LPP: variants seen among roughly 807,000 people sequenced by gnomAD.
LPP encodes the protein LIM domain containing preferred translocation partner in lipoma.
Under a neutral mutation model 60.4 loss-of-function variants are expected in LPP, and 38 were observed. The observed-to-expected ratio is 0.63, with a 90% CI of 0.49 to 0.83. The LOEUF (loss-of-function observed/expected upper bound fraction) is 0.83. Among genes scored for constraint, LPP ranks in the 40% least tolerant of loss-of-function variants. The pLI is 0.00. For missense variants in LPP, 902 were observed against 783.6 expected (o/e 1.15, Z -1.80); for synonymous variants, 328 against 290.8 (o/e 1.13, Z -1.30).
chr3:188,592,557 G>GTTGTTGTTTGTTTTTTTTTTTT (rs1553936334), intron 6 of LPP, among the ~76,000 whole-genome samples: 9 of 85,800 alleles, frequency 1.0e-4, no homozygotes, highest in South Asian at 5.7e-4. Context: ...TTTTGTTTTT[G>GTTGTTGTTTGTTTTTTTTTTTT]TTTTTTAAAT....
At chr3:188,701,630 G>A (rs1864421373) in intron 7 of LPP, among the ~76,000 whole-genome samples, 1 of 152,184 alleles carries the variant, frequency 6.6e-6, no homozygotes, top group Non-Finnish European at 1.5e-5. Context: ...AGTGTGCCCA[G>A]CAAGAGGAGG....
intron 9 of LPP, among the ~76,000 whole-genome samples, chr3:188,792,263 GTT>G (rs1744010798): frequency 6.6e-6 from 1 of 152,080 alleles, no homozygotes. Flanking sequence ...TTGGAGAAAC[GTT>G]TTTCATCCTT....
rs1739928526 is a variant in LPP at position 188,781,989 on chromosome 3, G to T, written c.1410+21707G>T. 2.6e-5 allele frequency among the ~76,000 whole-genome samples: 4 copies of T among 151,664 alleles called. 1 individual carries two copies. The Middle Eastern group carries it at 0.011, about 401-fold the overall frequency. Reference sequence around the variant, plus strand: ...GGGGATTATGGGAACTACAATTCAAGATGAGATTTGGGTGGGGACACAGCC... The same window carrying T: ...GGGGATTATGGGAACTACAATTCAATATGAGATTTGGGTGGGGACACAGCC... On this transcript the variant is annotated intron_variant, in intron 9 of 11. Transcript: ENST00000617246.
intron 6 of LPP, among the ~76,000 whole-genome samples, chr3:188,547,779 G>C (rs529812948): frequency 6.6e-6 from 1 of 152,242 alleles, no homozygotes; most frequent in African/African-American, 2.4e-5. Context: ...GTGTTCCGTA[G>C]CTGGGGACTC....
intron 2 of LPP, among the ~76,000 whole-genome samples, chr3:188,242,839 T>A (rs924169784): frequency 6.6e-6 from 1 of 152,218 alleles, no homozygotes; most frequent in African/African-American, 2.4e-5. Context: ...TGAGGCGATG[T>A]CTACAAAATG....
At chr3:188,488,105 T>C (rs1278717157) in intron 5 of LPP, among the ~76,000 whole-genome samples, 3 of 151,800 alleles carry the variant, frequency 2.0e-5, no homozygotes, top group African/African-American at 7.3e-5. Context: ...TTATTGAATT[T>C]GAAAAATCTT....
intron 2 of LPP, among the ~76,000 whole-genome samples, chr3:188,268,305 C>A (rs1560179429): frequency 1.3e-5 from 2 of 152,040 alleles, no homozygotes; most frequent in Non-Finnish European, 1.5e-5. Flanking sequence ...AACAAAAACA[C>A]AAAACCAAAA....
chr3:188,500,340 A>G (rs1258275952), intron 5 of LPP, among the ~76,000 whole-genome samples: 1 of 152,074 alleles, frequency 6.6e-6, no homozygotes, highest in South Asian at 2.1e-4. Context: ...TTCTGTGTCA[A>G]TTGAGAAGAT....
chr3:188,377,786 T>G (rs1775612028), intron 3 of LPP, among the ~76,000 whole-genome samples: 1 of 152,164 alleles, frequency 6.6e-6, no homozygotes. Flanking sequence ...GGCGCTCTGA[T>G]TTTTAGAGTT....
intron 9 of LPP, among the ~76,000 whole-genome samples, chr3:188,790,815 T>C (rs6770561): frequency 0.7 from 104,815 of 150,284 alleles, 36,829 homozygotes; most frequent in East Asian, 0.9. Context: ...AGTGAGACTC[T>C]GTCTCCAAAA....
chr3:188,640,428 T>G, intron 7 of LPP, among the ~76,000 whole-genome samples: 1 of 142,548 alleles, frequency 7.0e-6, no homozygotes, highest in African/African-American at 2.6e-5. Flanking sequence ...AGATGACGAG[T>G]TAGTGGGTGC....
chr3:188,822,732 G>A (rs1203187745), intron 9 of LPP, among the ~76,000 whole-genome samples: 1 of 152,132 alleles, frequency 6.6e-6, no homozygotes, highest in Non-Finnish European at 1.5e-5. Context: ...TGGGCATTCA[G>A]TAGGTGTTTG....
intron 9 of LPP, among the ~76,000 whole-genome samples, chr3:188,820,510 A>G (rs966696426): frequency 2.0e-5 from 3 of 152,168 alleles, no homozygotes; most frequent in African/African-American, 7.2e-5. Context: ...GTACACACCA[A>G]TGTTCTTGTC....
intron 2 of LPP, among the ~76,000 whole-genome samples, chr3:188,270,649 A>G (rs965112357): frequency 5.9e-5 from 9 of 152,222 alleles, no homozygotes; most frequent in Admixed American, 3.9e-4. Flanking sequence ...CATGCAATGC[A>G]TTCCTCAGAA....
At chr3:188,350,301 A>T (rs1037893116) in intron 3 of LPP, among the ~76,000 whole-genome samples, 3 of 152,192 alleles carry the variant, frequency 2.0e-5, no homozygotes, top group African/African-American at 7.2e-5. Context: ...CAGAATTTGG[A>T]GAACTCTTTC....
chr3:188,517,349 A>G (rs1217053130), intron 5 of LPP, among the ~76,000 whole-genome samples: 6 of 152,232 alleles, frequency 3.9e-5, no homozygotes, highest in Admixed American at 2.0e-4. Context: ...TTCATCAAAG[A>G]CAGATGATGG....
chr3:188,454,648 G>T (rs901564179), intron 4 of LPP, among the ~76,000 whole-genome samples: 1 of 152,124 alleles, frequency 6.6e-6, no homozygotes, highest in Non-Finnish European at 1.5e-5. Context: ...CCACATGGCT[G>T]GGGGAGGCTT....
chr3:188,317,879 A>G (rs1474731093), intron 2 of LPP, among the ~76,000 whole-genome samples: 2 of 152,138 alleles, frequency 1.3e-5, no homozygotes, highest in African/African-American at 4.8e-5. Context: ...GAGGTGGGAG[A>G]AGAATAGGAG....
intron 4 of LPP, among the ~76,000 whole-genome samples, chr3:188,457,005 A>C (rs1413888470): frequency 6.6e-6 from 1 of 152,212 alleles, no homozygotes; most frequent in Non-Finnish European, 1.5e-5. Context: ...TTGGTATCCA[A>C]AGCAGAAATT....
Sources: allele counts gnomAD v4.1 joint callset (sites outside exome capture counted in the v4.1 genomes callset), GRCh38; gene constraint gnomAD v4.1.1; transcripts MANE v1.5; gene names NCBI Gene and HGNC (gene_info 2026-07-23, HGNC 2026-07-21).